THAP6: variants seen among roughly 807,000 people sequenced by gnomAD.
The protein encoded by THAP6 is THAP domain containing 6.
THAP6 carries 13 observed loss-of-function variants against 20.0 expected under a neutral mutation model. That is an observed-to-expected ratio of 0.65 (90% CI 0.42 to 1.03). The LOEUF (loss-of-function observed/expected upper bound fraction) is 1.03. Among genes scored for constraint, THAP6 ranks in the 50% least tolerant of loss-of-function variants. The pLI is 0.00. For missense variants in THAP6, 262 were observed against 261.6 expected, an observed-to-expected ratio of 1.00 and a Z score of -0.01; for synonymous variants, 93 against 92.2, an observed-to-expected ratio of 1.01 and a Z score of -0.05.
chr4:75,516,623 C>A, intron 2 of THAP6, 149 bp from the exon 3 acceptor site: 2 of 657,052 alleles, frequency 3.0e-6, no homozygotes, highest in Non-Finnish European at 2.4e-6. Flanking sequence ...GTAACAAAAG[C>A]ATGAATTATG....
At chr4:75,519,444 C>G (rs1578262145) in intron 3 of THAP6, among the ~76,000 whole-genome samples, 1 of 151,634 alleles carries the variant, frequency 6.6e-6, no homozygotes, top group African/African-American at 2.4e-5. Flanking sequence ...CATCATCTAG[C>G]ATTAGGTATA....
intron 3 of THAP6, chr4:75,517,209 C>G (rs1477988513): frequency 1.5e-5 from 6 of 392,138 alleles, no homozygotes; most frequent in African/African-American, 6.1e-5. Context: ...GGAGAGATGG[C>G]GTTTCACCAT....
In THAP6 at chr4:75,527,045, A is replaced by G; in HGVS notation, c.500A>G (p.Glu167Gly). The G allele has an allele frequency of 1.2e-6, 2 of 1,614,136 alleles. No homozygotes were observed. The highest frequency in any genetic ancestry group is 1.7e-6 in the Non-Finnish European group (2 of 1,179,990). The change falls in exon 5 of 5, where the codon GAA (glutamate) becomes GGA (glycine). Residue 167 changes from glutamate to glycine, a missense_variant. Transcript: ENST00000311638. ...ATCGGCGAGCTAGAGGATACAAAGG[A>G]AAGTCTACGGAATGTTTTAGACCGA... is the stretch of plus-strand genomic sequence containing the variant. Reference protein sequence around the residue: ...HVIGELEDTKESLRNVLDREK... With the variant: ...HVIGELEDTKGSLRNVLDREK...
At chr4:75,538,679 C>A (rs897142360) in intron 2 of THAP6, among the ~76,000 whole-genome samples, 15 of 152,170 alleles carry the variant, frequency 9.9e-5, no homozygotes, top group African/African-American at 2.9e-4. Context: ...ATTGCTGCCT[C>A]AAACTTCATT....
intron 3 of THAP6, among the ~76,000 whole-genome samples, chr4:75,517,902 T>A (rs1578260169): frequency 6.6e-6 from 1 of 152,256 alleles, no homozygotes. Flanking sequence ...AGACATTGAT[T>A]GATTGATTCC....
chr4:75,520,853 A>G (rs1010835253), intron 3 of THAP6, among the ~76,000 whole-genome samples: 12 of 152,184 alleles, frequency 7.9e-5, no homozygotes, highest in Non-Finnish European at 1.6e-4. Context: ...TTGATAGGCA[A>G]AATGTTATCT....
At chr4:75,514,712 A>T in intron 1 of THAP6, 192 bp downstream of exon 1, 1 of 163,282 alleles carries the variant, frequency 6.1e-6, no homozygotes, top group Non-Finnish European at 1.3e-5. Context: ...GCCTGGAGAA[A>T]GGGGCGGAGC....
In THAP6 at chr4:75,529,177, A is replaced by G. The variant is rs1250358481; in HGVS notation, c.*1963A>G. 7 of 983,674 alleles carry G rather than the reference A, an allele frequency of 7.1e-6. No individual in the cohort carries two copies. Among genetic ancestry groups the G allele is most frequent in the African/African-American group, 1.7e-5 (1 of 57,180 alleles). The allele number at this position is 983,674 out of a possible 1,614,324, so 60.9% of individuals were successfully genotyped here. ...CTTAGGTTTTATGGAGATGTTTTCA[A>G]TAGAGATTATTTTTCCCTCACCCTA... On this transcript the variant is annotated 3_prime_UTR_variant, in exon 5 of 5. Transcript: ENST00000311638.
In THAP6 at chr4:75,523,470, C is replaced by G. The variant is rs59229794; in HGVS notation, c.414+1609C>G. Among the ~76,000 whole-genome samples, 1,162 of 152,144 alleles carry G rather than the reference C, an allele frequency of 7.6e-3. 18 individuals carry two copies. Among genetic ancestry groups the G allele is most frequent in the African/African-American group, 0.026 (1,087 of 41,498 alleles). ...TTTAACTTGATGTGATCCCATTTGT[C>G]CGTTTTGCTTTGGTTGCCTGTGCTT... On this transcript the variant is annotated intron_variant, in intron 4 of 4. Coordinates refer to ENST00000311638, the MANE Select transcript of THAP6 (RefSeq NM_144721.6).
intron 2 of THAP6, among the ~76,000 whole-genome samples, chr4:75,539,327 T>C (rs1726945609): frequency 6.6e-6 from 1 of 152,148 alleles, no homozygotes; most frequent in African/African-American, 2.4e-5. Context: ...GACTAACATG[T>C]TTAGTGTAAT....
At chr4:75,543,684 G>C (rs934985489) in intron 3 of THAP6, among the ~76,000 whole-genome samples, 1 of 152,180 alleles carries the variant, frequency 6.6e-6, no homozygotes, top group Non-Finnish European at 1.5e-5. Flanking sequence ...TTTTCCAGAG[G>C]GAACTCAGGG....
chr4:75,521,755 A>C lies in THAP6; in HGVS notation c.308A>C (p.His103Pro), dbSNP rs1399009448. The C allele has an allele frequency of 1.2e-6, 2 of 1,611,848 alleles. No individual in the cohort carries two copies. The highest frequency in any genetic ancestry group is 3.3e-5 in the Admixed American group (2 of 59,888). Residue 103 changes from histidine to proline, a missense_variant, in exon 4 of 5, where the codon CAT (histidine) becomes CCT (proline). Transcript: ENST00000311638. ...TAACAGGGGAAAAGAGAAAAACTTC[A>C]TTGTAGAAAAAACTTCACCCTCAAA... ...YHLQGKREKL[H>P]CRKNFTLKTV...
At chr4:75,526,038 T>A (rs1215225930) in intron 4 of THAP6, among the ~76,000 whole-genome samples, 1 of 152,224 alleles carries the variant, frequency 6.6e-6, no homozygotes, top group Non-Finnish European at 1.5e-5. Flanking sequence ...GTAGCTACTT[T>A]GGTCTCCCTG....
At chr4:75,541,898 A>G (rs1247645643) in intron 2 of THAP6, among the ~76,000 whole-genome samples, 1 of 151,942 alleles carries the variant, frequency 6.6e-6, no homozygotes, top group Non-Finnish European at 1.5e-5. Context: ...CGGAGGTTTC[A>G]GTGAGCCAAG....
At chr4:75,515,726 C>CT (rs2148799307) in intron 2 of THAP6, among the ~76,000 whole-genome samples, 194 bp downstream of exon 2, 1 of 152,276 alleles carries the variant, frequency 6.6e-6, no homozygotes, top group Non-Finnish European at 1.5e-5. Context: ...ATATCAGAGA[C>CT]TTTAAGATAT....
In THAP6 at chr4:75,516,759, A is replaced by AT. The variant is rs1725676052; in HGVS notation, c.81-5dup. 6.2e-6 allele frequency: 10 copies of AT among 1,602,398 alleles called. No individual in the cohort carries two copies. The highest frequency in any genetic ancestry group is 1.1e-5 in the South Asian group (1 of 89,914). On this transcript the variant is annotated splice_polypyrimidine_tract_variant and intron_variant, in intron 2 of 4. Coordinates refer to ENST00000311638, the MANE Select transcript of THAP6 (RefSeq NM_144721.6). ...TATTTGATTTTAAAATATTTTTTGT[A>AT]TTTTTTTTCTAGATTCCCCACAGAT...
chr4:75,518,497 T>C (rs901691690), intron 3 of THAP6, among the ~76,000 whole-genome samples: 3 of 152,220 alleles, frequency 2.0e-5, no homozygotes, highest in African/African-American at 7.2e-5. Context: ...TCCAAGTACT[T>C]TACATGTCTA....
intron 2 of THAP6, 23 bp downstream of exon 2, chr4:75,515,555 C>A: frequency 6.2e-7 from 1 of 1,608,450 alleles, no homozygotes; most frequent in Non-Finnish European, 8.5e-7. Flanking sequence ...TGTAGTTAAG[C>A]CAAATACTTT....
chr4:75,531,481 C>T (rs904235534), downstream of THAP6, among the ~76,000 whole-genome samples: 2 of 152,136 alleles, frequency 1.3e-5, no homozygotes, highest in African/African-American at 2.4e-5. Flanking sequence ...AACTATATGC[C>T]GAATTCTGTG....
Sources: allele counts gnomAD v4.1 joint callset (sites outside exome capture counted in the v4.1 genomes callset), GRCh38; gene constraint gnomAD v4.1.1; transcripts MANE v1.5; gene names NCBI Gene and HGNC (gene_info 2026-07-23, HGNC 2026-07-21).